PRR5: variants seen among roughly 807,000 people sequenced by gnomAD.
PRR5 encodes proline-rich protein 5.
In PRR5, 25 loss-of-function variants were observed where a neutral mutation model predicts 30.6. The ratio of observed to expected loss-of-function variants is 0.82; its 90% CI spans 0.60 to 1.14. The LOEUF (loss-of-function observed/expected upper bound fraction) is 1.14. Ranked by LOEUF, PRR5 falls within the 50% of genes most tolerant of loss-of-function variation. The pLI, the probability that PRR5 is intolerant of heterozygous loss-of-function variation, is 0.00. For missense variants in PRR5, 600 were observed against 547.1 expected, an observed-to-expected ratio of 1.10 and a Z score of -0.96; for synonymous variants, 286 against 247.1, an observed-to-expected ratio of 1.16 and a Z score of -1.48.
chr22:44,690,154 G>A (rs1003422732), intron 1 of PRR5, among the ~76,000 whole-genome samples: 3 of 152,164 alleles, frequency 2.0e-5, no homozygotes, highest in African/African-American at 7.2e-5. Context: ...GCGGGGGCAG[G>A]TGACCAGAAG....
In PRR5 at chr22:44,736,910, G is replaced by C; in HGVS notation, c.830G>C (p.Ser277Thr). 1 of 1,608,194 alleles carries C rather than the reference G, an allele frequency of 6.2e-7. No homozygotes were observed. The highest frequency in any genetic ancestry group is 2.2e-5 in the East Asian group (1 of 44,830). ...EAEGAAAGGT[S>T]IRRHSVSEMT... is the part of the protein sequence containing the mutation. ...GAGGGCGCGGCGGCCGGCGGTACCA[G>C]CATCCGCAGGCACTCTGTGTCGGAG... Residue 277 changes from serine (S) to threonine (T), a missense_variant, in exon 8 of 8, where the codon AGC becomes ACC. Transcript: ENST00000336985.
chr22:44,675,316 C>G (rs1923675132), upstream of PRR5, among the ~76,000 whole-genome samples: 1 of 152,128 alleles, frequency 6.6e-6, no homozygotes, highest in African/African-American at 2.4e-5. Flanking sequence ...TGGTTTTGAA[C>G]TCCTAGGCTC....
intron 1 of PRR5, among the ~76,000 whole-genome samples, chr22:44,714,070 T>G (rs564010067): frequency 9.2e-5 from 14 of 152,188 alleles, no homozygotes; most frequent in Non-Finnish European, 1.3e-4. Context: ...CCCAAAACAC[T>G]GGGATTACAG....
intron 7 of PRR5, among the ~76,000 whole-genome samples, chr22:44,735,796 C>T (rs550923008): frequency 3.3e-5 from 5 of 152,332 alleles, no homozygotes; most frequent in South Asian, 2.1e-4. Context: ...GGGCAAGGCC[C>T]GCTTGGGACT....
At chr22:44,704,962 G>T (rs2147021897) in intron 1 of PRR5, among the ~76,000 whole-genome samples, 2 of 152,276 alleles carry the variant, frequency 1.3e-5, no homozygotes, top group Middle Eastern at 3.4e-3. Context: ...CTCCCTGCCA[G>T]GGCCCCCTAG....
chr22:44,704,570 T>C (rs149237730), intron 1 of PRR5, among the ~76,000 whole-genome samples: 30 of 151,696 alleles, frequency 2.0e-4, no homozygotes, highest in African/African-American at 6.5e-4. Context: ...CTCCCAGCCC[T>C]TAGGCCTACA....
upstream of PRR5, among the ~76,000 whole-genome samples, chr22:44,701,883 G>A (rs998196172): frequency 1.1e-4 from 16 of 152,288 alleles, no homozygotes; most frequent in African/African-American, 3.8e-4. Flanking sequence ...CTCCGGGGCC[G>A]GGGTCGAAGG....
rs933634428 is a variant in PRR5 at position 44,702,411 on chromosome 22, T to TGCGGCGTGGCGCAGGGC, written c.-54_-38dup. The stretch of plus-strand genomic sequence containing the variant: ...CGCATCGCCGGCCCGGGGCCCTTGG[T>TGCGGCGTGGCGCAGGGC]GCGGCGTGGCGCAGGGCGCGGCGTG... On this transcript the variant is annotated 5_prime_UTR_variant, in exon 1 of 8. Coordinates refer to ENST00000336985, the MANE Select transcript of PRR5 (RefSeq NM_181333.4). 8 of 1,237,152 alleles carry TGCGGCGTGGCGCAGGGC rather than the reference T, an allele frequency of 6.5e-6. No individual in the cohort carries two copies. In the African/African-American group the frequency reaches 7.9e-5, roughly 12 times the overall value. 76.6% of individuals were successfully genotyped at this position (1,237,152 alleles called of 1,614,324 possible).
At chr22:44,696,897 C>CGCCT (rs1925805884) in intron 1 of PRR5, among the ~76,000 whole-genome samples, 1 of 151,980 alleles carries the variant, frequency 6.6e-6, no homozygotes, top group African/African-American at 2.4e-5. Flanking sequence ...CCACCATATC[C>CGCCT]GGCTAATTTT....
chr22:44,697,747 C>G (rs919104509), upstream of PRR5, among the ~76,000 whole-genome samples: 1 of 152,228 alleles, frequency 6.6e-6, no homozygotes, highest in African/African-American at 2.4e-5. Context: ...AGCCTCAGCT[C>G]CCCCACTTGC....
In PRR5 at chr22:44,691,591, T is replaced by C. The variant is rs1461822995; in HGVS notation, c.-10-10901T>C. On this transcript the variant is annotated intron_variant, in intron 1 of 8. Coordinates refer to the PRR5 transcript ENST00000006251. This position sits in a 1 kb window ranked among gnomAD's most constrained non-coding sequence, Gnocchi z 4.4. ...GAGTTCAAGACCAGCCTGGCCAACA[T>C]GGCAAAACCCCGTCTCTACTAAAAA... 6.6e-6 allele frequency among the ~76,000 whole-genome samples: 1 copy of C among 152,062 alleles called. No homozygotes were observed. The highest frequency in any genetic ancestry group is 2.4e-5 in the African/African-American group (1 of 41,406).
chr22:44,702,119 CG>C, upstream of PRR5: 3 of 239,772 alleles, frequency 1.3e-5, no homozygotes, highest in Non-Finnish European at 2.1e-5. Context: ...GGCCCCGCCC[CG>C]CCCGCGATGC....
At chr22:44,675,759 G>T (rs1306807360), upstream of PRR5, among the ~76,000 whole-genome samples, 2 of 89,730 alleles carry the variant, frequency 2.2e-5, no homozygotes, top group Admixed American at 2.8e-4. Context: ...TACTGTTGCT[G>T]TTGTTATTAT....
chr22:44,702,222 G>C lies in PRR5; in HGVS notation c.-253G>C. 1 of 1,093,092 alleles carries C rather than the reference G, an allele frequency of 9.1e-7. No individual in the cohort carries two copies. The highest frequency in any genetic ancestry group is 1.1e-6 in the Non-Finnish European group (1 of 897,898). 67.7% of individuals were successfully genotyped at this position (1,093,092 alleles called of 1,614,324 possible). ...CGCCCCCGGCCTCCGTTTGCGCCGG[G>C]TCTGTGCTGGCCGCGCGCCTGGCGC... On this transcript the variant is annotated 5_prime_UTR_variant, in exon 1 of 8. Coordinates refer to ENST00000336985, the MANE Select transcript of PRR5 (RefSeq NM_181333.4).
chr22:44,718,482 A>C (rs979642005), intron 2 of PRR5, among the ~76,000 whole-genome samples: 1 of 152,138 alleles, frequency 6.6e-6, no homozygotes, highest in Non-Finnish European at 1.5e-5. Flanking sequence ...GGCCTGAGCC[A>C]CCGCAACTGG....
In PRR5 at chr22:44,736,985, G is replaced by C. The variant is rs773758546; in HGVS notation, c.905G>C (p.Gly302Ala). The change falls in exon 8 of 8, where the codon GGC becomes GCC. Residue 302 changes from glycine (G) to alanine (A), a missense_variant. Gly to Ala is a moderately conservative substitution (Grantham distance 60, BLOSUM62 0). Transcript: ENST00000336985. ...PQGFSDPPGQ[G>A]PTGTFRSSPA... ...GGCTTCTCCGACCCGCCCGGCCAGG[G>C]CCCCACCGGGACCTTCAGGTCCTCC... is the stretch of plus-strand genomic sequence containing the variant. 1 of 1,600,418 alleles carries C rather than the reference G, an allele frequency of 6.2e-7. No homozygotes were observed. Among genetic ancestry groups the C allele is most frequent in the African/African-American group, 1.3e-5 (1 of 74,702 alleles).
upstream of PRR5, among the ~76,000 whole-genome samples, chr22:44,676,390 C>CAAA (rs59016907): frequency 0.037 from 1,369 of 37,020 alleles, 77 homozygotes; most frequent in East Asian, 0.24. Context: ...GACCCTGTCT[C>CAAA]AAAAAAAAAA....
intron 1 of PRR5, among the ~76,000 whole-genome samples, chr22:44,681,727 G>A (rs1036073837): frequency 2.0e-5 from 3 of 152,248 alleles, no homozygotes; most frequent in African/African-American, 7.2e-5. Context: ...GGGACCAGGG[G>A]CCCTGCTGGG....
chr22:44,736,968 C>T lies in PRR5; in HGVS notation c.888C>T (p.Ser296=), dbSNP rs528817849. 1.2e-5 allele frequency: 20 copies of T among 1,601,810 alleles called. No homozygotes were observed. Among genetic ancestry groups the T allele is most frequent in the Middle Eastern group, 3.3e-4 (2 of 6,004 alleles). ...CCTGCCCCGAGCCTCAGGGCTTCTC[C>T]GACCCGCCCGGCCAGGGCCCCACCG... is the stretch of plus-strand genomic sequence containing the variant. ...MTSCPEPQGF[S]DPPGQGPTGT... The change falls in exon 8 of 8, where the codon TCC becomes TCT. Residue 296 remains serine (S), a synonymous_variant. Coordinates refer to ENST00000336985, the MANE Select transcript of PRR5 (RefSeq NM_181333.4).
Sources: gnomAD v4.1 joint callset for allele counts (sites outside exome capture counted in the v4.1 genomes callset) on GRCh38, gnomAD v4.1.1 for gene constraint, Gnocchi (gnomAD v3.1) non-coding constraint, MANE v1.5 for transcripts, NCBI Gene and HGNC (gene_info 2026-07-23, HGNC 2026-07-21) for gene names.